KLF4: variants seen among roughly 807,000 people sequenced by gnomAD.
KLF4 encodes KLF transcription factor 4, also known as Krueppel-like factor 4.
In KLF4, 14 loss-of-function variants were observed where a neutral mutation model predicts 38.0. That is an observed-to-expected ratio of 0.37 (90% CI 0.24 to 0.58). KLF4 has a LOEUF of 0.58. Ranked by LOEUF, KLF4 falls within the 20% of genes least tolerant of loss-of-function variation. The probability of loss-of-function intolerance (pLI) is 0.76; values close to 1 mark genes in which losing one functional copy is unlikely to be tolerated. For synonymous variants in KLF4, 398 were observed against 302.5 expected (o/e 1.32, Z -3.28); for missense variants, 737 against 670.1 (o/e 1.10, Z -1.10).
rs758595779 is a variant in KLF4 at position 107,487,863 on chromosome 9, G to A, written c.531C>T (p.Ser177=). The change falls in exon 3 of 5, where the codon TCC becomes TCT. Residue 177 remains serine (S), a synonymous_variant. Coordinates refer to ENST00000374672, the MANE Select transcript of KLF4 (RefSeq NM_004235.6). This position sits in a 1 kb window ranked among gnomAD's most constrained non-coding sequence, Gnocchi z 6.1. ...TGAAGGGAGCCGTCGGAGGGGGAGC[G>A]GACTCCCTGCCATAGAGGAGGCCTC... ...TGGGLLYGRE[S]APPPTAPFNL... The A allele has an allele frequency of 8.5e-6, 13 of 1,531,474 alleles. No individual in the cohort carries two copies. The East Asian group carries it at 9.7e-5, about 11-fold the overall frequency. The allele number at this position is 1,531,474 out of a possible 1,614,324, so 94.9% of individuals were successfully genotyped here.
In KLF4 at chr9:107,487,480, A is replaced by G; in HGVS notation, c.914T>C (p.Phe305Ser). Reference sequence around the variant, plus strand: ...GCTGGGGAGCTGCCGCCCCAGGGGGAAGTCGTGTGCAGCCGGCCGGTGGCC... The same window carrying G: ...GCTGGGGAGCTGCCGCCCCAGGGGGGAGTCGTGTGCAGCCGGCCGGTGGCC... ...SNGHRPAAHD[F>S]PLGRQLPSRT... is the part of the protein sequence containing the mutation. The change falls in exon 3 of 5, where the codon TTC (phenylalanine) becomes TCC (serine). Residue 305 changes from phenylalanine (F) to serine (S), a missense_variant. Physicochemically the swap from Phe to Ser is radical, Grantham distance 155 (BLOSUM62 -2). Transcript: ENST00000374672. This position sits in a 1 kb window ranked among gnomAD's most constrained non-coding sequence, Gnocchi z 6.1. 6.5e-7 allele frequency: 1 copy of G among 1,540,834 alleles called. No individual in the cohort carries two copies. Among genetic ancestry groups the G allele is most frequent in the Non-Finnish European group, 8.7e-7 (1 of 1,145,364 alleles).
Position 107,488,331 on chromosome 9 carries a change from C to T in KLF4, c.127-64G>A. The stretch of plus-strand genomic sequence containing the variant: ...CCCCTGTTGCCACCCGACATACTGA[C>T]GTGCTGGCGGGCCACGCGCGACTGC... On this transcript the variant is annotated intron_variant, in intron 2 of 4. Transcript: ENST00000374672. This position sits in a 1 kb window ranked among gnomAD's most constrained non-coding sequence, Gnocchi z 5.7. 1 of 1,476,858 alleles carries T rather than the reference C, an allele frequency of 6.8e-7. No individual in the cohort carries two copies. The highest frequency in any genetic ancestry group is 8.9e-7 in the Non-Finnish European group (1 of 1,117,850). 91.5% of individuals were successfully genotyped at this position (1,476,858 alleles called of 1,614,324 possible).
At position 107,487,886 on chromosome 9, in the gene KLF4, C is replaced by T; in HGVS notation, c.508G>A (p.Gly170Ser). The T allele has an allele frequency of 6.4e-7, 1 of 1,551,360 alleles. No homozygotes were observed. Among genetic ancestry groups the T allele is most frequent in the Non-Finnish European group, 8.7e-7 (1 of 1,149,024 alleles). The change falls in exon 3 of 5, where the codon GGC (glycine) becomes AGC (serine). Residue 170 changes from glycine to serine, a missense_variant. Around this residue, in one of 2 missense-constraint regions of KLF4, gnomAD observed 695 missense variants for 554.5 expected, o/e 1.25. Transcript: ENST00000374672. The surrounding 1 kb of genome is among the most constrained non-coding windows in gnomAD (Gnocchi z 6.1). ...PGVAPGGTGG[G>S]LLYGRESAPP... ...GCGGACTCCCTGCCATAGAGGAGGC[C>T]TCCGCCCGTGCCGCCCGGCGCCACG...
chr9:107,487,912 C>T lies in KLF4; in HGVS notation c.482G>A (p.Gly161Asp), dbSNP rs984231632. ...TCCGCCCGTGCCGCCCGGCGCCACGCCCGGGTCGTTCCCGGCCCGGATCGG... is the reference window on the plus strand; with the variant it reads ...TCCGCCCGTGCCGCCCGGCGCCACGTCCGGGTCGTTCCCGGCCCGGATCGG... ...TYPIRAGNDP[G>D]VAPGGTGGGL... Residue 161 changes from glycine (G) to aspartate (D), a missense_variant, in exon 3 of 5, where the codon GGC becomes GAC. By Grantham distance (94) the Gly-to-Asp change is moderately conservative (BLOSUM62 -1). Transcript: ENST00000374672. This position sits in a 1 kb window ranked among gnomAD's most constrained non-coding sequence, Gnocchi z 6.1. The T allele has an allele frequency of 6.4e-7, 1 of 1,571,274 alleles. No individual in the cohort carries two copies. The highest frequency in any genetic ancestry group is 1.3e-5 in the African/African-American group (1 of 74,122).
Position 107,487,018 on chromosome 9 carries a change from G to A in KLF4, c.1264+10C>T, listed in dbSNP as rs547294800. On this transcript the variant is annotated intron_variant, in intron 4 of 4. Transcript: ENST00000374672. The surrounding 1 kb of genome is among the most constrained non-coding windows in gnomAD (Gnocchi z 6.1). ...CTAACCCCCCTCCCTTCTGCAGTTTGTCCCCCTACCTGTGTGGGTTCGCAG... is the reference window on the plus strand; with the variant it reads ...CTAACCCCCCTCCCTTCTGCAGTTTATCCCCCTACCTGTGTGGGTTCGCAG... 1.2e-5 allele frequency: 20 copies of A among 1,614,166 alleles called. No homozygotes were observed. The East Asian group carries it at 4.2e-4, about 34-fold the overall frequency.
rs115734249 is a variant in KLF4 at position 107,485,787 on chromosome 9, C to G, written c.1404G>C (p.Ser468=). ...CQKCDRAFSR[S]DHLALHMKRH... Reference sequence around the variant, plus strand: ...TCTTCATGTGTAAGGCGAGGTGGTCCGACCTGGAAAATGCTCGGTCGCATT... The same window carrying G: ...TCTTCATGTGTAAGGCGAGGTGGTCGGACCTGGAAAATGCTCGGTCGCATT... The change falls in exon 5 of 5, where the codon TCG becomes TCC. Residue 468 remains serine (S), a synonymous_variant. Transcript: ENST00000374672. The surrounding 1 kb of genome is among the most constrained non-coding windows in gnomAD (Gnocchi z 4.9). The G allele has an allele frequency of 5.7e-6, 9 of 1,581,592 alleles. No homozygotes were observed. The highest frequency in any genetic ancestry group is 1.8e-5 in the Admixed American group (1 of 56,090).
chr9:107,489,390 A>G lies in KLF4; in HGVS notation c.-218T>C, dbSNP rs561793430. On this transcript the variant is annotated 5_prime_UTR_variant, in exon 1 of 5. Transcript: ENST00000374672. ...GTTGTAAACGCAAAAATAGACAATC[A>G]GCAAGGCGAGTAAGTAGGTCCGGTG... The G allele has an allele frequency of 1.6e-4, 85 of 537,222 alleles. No individual in the cohort carries two copies. The highest frequency in any genetic ancestry group is 1.8e-4 in the Non-Finnish European group (60 of 328,148). The allele number at this position is 537,222 out of a possible 1,614,324, so 33.3% of individuals were successfully genotyped here. A position where few individuals can be genotyped will look rare whatever the true frequency, so the allele number is the denominator to read the frequency against.
chr9:107,486,045 A>G, intron 4 of KLF4, 119 bp from the exon 5 acceptor site: 3 of 812,636 alleles, frequency 3.7e-6, no homozygotes, highest in Admixed American at 3.0e-5. Context: ...AAATCCAGGA[A>G]TGTCTTTATA....
At position 107,487,752 on chromosome 9, in the gene KLF4, C is replaced by G; in HGVS notation, c.642G>C (p.Pro214=). 6.4e-7 allele frequency: 1 copy of G among 1,573,130 alleles called. No individual in the cohort carries two copies. The highest frequency in any genetic ancestry group is 8.6e-7 in the Non-Finnish European group (1 of 1,159,816). Residue 214 remains proline (P), a synonymous_variant, in exon 3 of 5, where the codon CCG becomes CCC. Coordinates refer to ENST00000374672, the MANE Select transcript of KLF4 (RefSeq NM_004235.6). This position sits in a 1 kb window ranked among gnomAD's most constrained non-coding sequence, Gnocchi z 6.1. ...LRPELDPVYI[P]PQQPQPPGGG... is the part of the protein sequence containing the mutation. Reference sequence around the variant, plus strand: ...CACCTGGCGGCTGCGGCTGCTGCGGCGGAATGTACACCGGGTCCAATTCTG... The same window carrying G: ...CACCTGGCGGCTGCGGCTGCTGCGGGGGAATGTACACCGGGTCCAATTCTG...
At position 107,489,177 on chromosome 9, in the gene KLF4, G is replaced by A. The variant is rs781267605; in HGVS notation, c.-5C>T. ...CGCGCGCCTCACCTACCTCATTAAT[G>A]TGGGGGCCCAGAAGGTCCTCGGCAG... On this transcript the variant is annotated 5_prime_UTR_variant, in exon 1 of 5. Transcript: ENST00000374672. The A allele has an allele frequency of 6.6e-7, 1 of 1,515,138 alleles. No individual in the cohort carries two copies. The highest frequency in any genetic ancestry group is 8.9e-7 in the Non-Finnish European group (1 of 1,127,812). 93.9% of individuals were successfully genotyped at this position (1,515,138 alleles called of 1,614,324 possible).
In KLF4 at chr9:107,487,920, G is replaced by C; in HGVS notation, c.474C>G (p.Asn158Lys). Reference protein sequence around the residue: ...CSFTYPIRAGNDPGVAPGGTG... With the variant: ...CSFTYPIRAGKDPGVAPGGTG... The stretch of plus-strand genomic sequence containing the variant: ...TGCCGCCCGGCGCCACGCCCGGGTC[G>C]TTCCCGGCCCGGATCGGATAGGTGA... Residue 158 changes from asparagine (N) to lysine (K), a missense_variant, in exon 3 of 5, where the codon AAC becomes AAG. Coordinates refer to ENST00000374672, the MANE Select transcript of KLF4 (RefSeq NM_004235.6). This position sits in a 1 kb window ranked among gnomAD's most constrained non-coding sequence, Gnocchi z 6.1. 4 of 1,574,432 alleles carry C rather than the reference G, an allele frequency of 2.5e-6. No individual in the cohort carries two copies. Among genetic ancestry groups the C allele is most frequent in the South Asian group, 2.3e-5 (2 of 86,748 alleles).
In KLF4 at chr9:107,487,130, A is replaced by C. The variant is rs2133187573; in HGVS notation, c.1162T>G (p.Trp388Gly). Reference sequence around the variant, plus strand: ...TGGGTGGCGGTCCTTTTCCGGGGCCACGATCGTCTTCCCCTCTTTGGCTTG... The same window carrying C: ...TGGGTGGCGGTCCTTTTCCGGGGCCCCGATCGTCTTCCCCTCTTTGGCTTG... ...EPKPKRGRRS[W>G]PRKRTATHTC... The change falls in exon 4 of 5, where the codon TGG (tryptophan) becomes GGG (glycine). Residue 388 changes from tryptophan (W) to glycine (G), a missense_variant. Transcript: ENST00000374672. This position sits in a 1 kb window ranked among gnomAD's most constrained non-coding sequence, Gnocchi z 6.1. 1 of 1,614,118 alleles carries C rather than the reference A, an allele frequency of 6.2e-7. No individual in the cohort carries two copies. The highest frequency in any genetic ancestry group is 8.5e-7 in the Non-Finnish European group (1 of 1,180,014).
In KLF4 at chr9:107,488,265, G is replaced by A. The variant is rs1277300616; in HGVS notation, c.129C>T (p.Arg43=). The A allele has an allele frequency of 6.2e-7, 1 of 1,600,684 alleles. No individual in the cohort carries two copies. Among genetic ancestry groups the A allele is most frequent in the Non-Finnish European group, 8.5e-7 (1 of 1,175,372 alleles). Residue 43 remains arginine, a splice_region_variant and synonymous_variant, in exon 3 of 5, where the codon CGC becomes CGT. Transcript: ENST00000374672. The surrounding 1 kb of genome is among the most constrained non-coding windows in gnomAD (Gnocchi z 5.7). ...TCATGTGGGAGAGCTCCTCCCGCCA[G>A]CGCTGCGGGGACAGGGCGGGAGAGA... ...TLRQAGAPNN[R]WREELSHMKR... is the part of the protein sequence containing the mutation.
Position 107,488,406 on chromosome 9 carries a change from G to C in KLF4, c.127-139C>G, listed in dbSNP as rs922864172. 39 of 1,404,184 alleles carry C rather than the reference G, an allele frequency of 2.8e-5. No homozygotes were observed. Among genetic ancestry groups the C allele is most frequent in the Non-Finnish European group, 3.5e-5 (38 of 1,072,370 alleles). 87.0% of individuals were successfully genotyped at this position (1,404,184 alleles called of 1,614,324 possible). A position where few individuals can be genotyped will look rare whatever the true frequency, so the allele number is the denominator to read the frequency against. On this transcript the variant is annotated intron_variant, in intron 2 of 4. Coordinates refer to ENST00000374672, the MANE Select transcript of KLF4 (RefSeq NM_004235.6). The surrounding 1 kb of genome is among the most constrained non-coding windows in gnomAD (Gnocchi z 5.7). Reference sequence around the variant, plus strand: ...AGGCAGGAAGCACCCGGGAACCCAGGGCGCCAGCGCTGCAATCTCGGCCCA... The same window carrying C: ...AGGCAGGAAGCACCCGGGAACCCAGCGCGCCAGCGCTGCAATCTCGGCCCA...
rs188710324 is a variant in KLF4, at chr9:107,486,884, C to T, written c.1264+144G>A. 46 of 1,514,524 alleles carry T rather than the reference C, an allele frequency of 3.0e-5. No individual in the cohort carries two copies. In the Admixed American group the frequency reaches 7.6e-4, roughly 25 times the overall value. 93.8% of individuals were successfully genotyped at this position (1,514,524 alleles called of 1,614,324 possible). On this transcript the variant is annotated intron_variant, in intron 4 of 4. Coordinates refer to ENST00000374672, the MANE Select transcript of KLF4 (RefSeq NM_004235.6). Reference sequence around the variant, plus strand: ...CAAGGCGATAGACTGCCCTGGGAAGCCAAGGAGGCACTGAGGAGTGTCCAC... The same window carrying T: ...CAAGGCGATAGACTGCCCTGGGAAGTCAAGGAGGCACTGAGGAGTGTCCAC...
chr9:107,488,455 T>C lies in KLF4; in HGVS notation c.127-188A>G, dbSNP rs1587922639. On this transcript the variant is annotated intron_variant, in intron 2 of 4. Transcript: ENST00000374672. This position sits in a 1 kb window ranked among gnomAD's most constrained non-coding sequence, Gnocchi z 5.7. ...CACTCCCGGGTCGAAGAAGAGGTGATGCGTCTGTATTGCGGGTGTTATGTC... is the reference window on the plus strand; with the variant it reads ...CACTCCCGGGTCGAAGAAGAGGTGACGCGTCTGTATTGCGGGTGTTATGTC... 1.2e-5 allele frequency: 12 copies of C among 1,017,328 alleles called. No homozygotes were observed. The East Asian group carries it at 1.6e-4, about 13-fold the overall frequency. 63.0% of individuals were successfully genotyped at this position (1,017,328 alleles called of 1,614,324 possible).
chr9:107,485,122 A>G lies in KLF4; in HGVS notation c.*629T>C. ...AACAGACTGTCTGCATAAAAATGCT[A>G]AAGAAGTAAACCAGGTATATTACCT... On this transcript the variant is annotated 3_prime_UTR_variant, in exon 5 of 5. Coordinates refer to ENST00000374672, the MANE Select transcript of KLF4 (RefSeq NM_004235.6). This position sits in a 1 kb window ranked among gnomAD's most constrained non-coding sequence, Gnocchi z 4.9. The G allele has an allele frequency of 5.0e-6, 1 of 199,362 alleles. No individual in the cohort carries two copies. 12.3% of individuals were successfully genotyped at this position (199,362 alleles called of 1,614,324 possible). A position where few individuals can be genotyped will look rare whatever the true frequency, so the allele number is the denominator to read the frequency against.
At position 107,485,959 on chromosome 9, in the gene KLF4, T is replaced by C. The variant is rs1340048106; in HGVS notation, c.1265-33A>G. The C allele has an allele frequency of 6.3e-7, 1 of 1,588,418 alleles. No homozygotes were observed. Reference sequence around the variant, plus strand: ...GGTAAAAGAAAAAAAAAATTGACGCTATTGCTATATCAAAGAATCGCCCCT... The same window carrying C: ...GGTAAAAGAAAAAAAAAATTGACGCCATTGCTATATCAAAGAATCGCCCCT... On this transcript the variant is annotated intron_variant, in intron 4 of 4. Transcript: ENST00000374672. This position sits in a 1 kb window ranked among gnomAD's most constrained non-coding sequence, Gnocchi z 4.9.
rs1274570265 is a variant in KLF4 at position 107,487,746 on chromosome 9, C to T, written c.648G>A (p.Gln216=). The T allele has an allele frequency of 6.3e-7, 1 of 1,577,836 alleles. No individual in the cohort carries two copies. Among genetic ancestry groups the T allele is most frequent in the South Asian group, 1.1e-5 (1 of 87,458 alleles). Residue 216 remains glutamine (Q), a synonymous_variant, in exon 3 of 5, where the codon CAG becomes CAA. Coordinates refer to ENST00000374672, the MANE Select transcript of KLF4 (RefSeq NM_004235.6). This position sits in a 1 kb window ranked among gnomAD's most constrained non-coding sequence, Gnocchi z 6.1. ...PELDPVYIPP[Q]QPQPPGGGLM... is the part of the protein sequence containing the mutation. ...GCCCGCCACCTGGCGGCTGCGGCTGCTGCGGCGGAATGTACACCGGGTCCA... is the reference window on the plus strand; with the variant it reads ...GCCCGCCACCTGGCGGCTGCGGCTGTTGCGGCGGAATGTACACCGGGTCCA...
Sources: allele counts gnomAD v4.1 joint callset, GRCh38; gene constraint gnomAD v4.1.1; regional missense constraint gnomAD v4.1.1; non-coding constraint Gnocchi (gnomAD v3.1); transcripts MANE v1.5; gene names NCBI Gene and HGNC (gene_info 2026-07-23, HGNC 2026-07-21).